Variants in GRID1 observed in about 807,000 individuals in gnomAD.
GRID1 encodes glutamate ionotropic receptor delta type subunit 1, also known as glutamate receptor ionotropic, delta-1.
GRID1 carries 28 observed loss-of-function variants against 98.0 expected under a neutral mutation model. The observed-to-expected ratio is 0.29, with a 90% confidence interval of 0.21 to 0.39. The LOEUF is 0.39. GRID1 is among the 10% of genes least tolerant of loss of function. The probability of loss-of-function intolerance (pLI) is 1.00; values close to 1 mark genes in which losing one functional copy is unlikely to be tolerated. For missense variants in GRID1, 1,111 were observed against 1,340.5 expected (o/e 0.83, Z 2.67); for synonymous variants, 553 against 538.5 (o/e 1.03, Z -0.37).
chr10:85,983,422 C>G (rs531826864), intron 4 of GRID1, among the ~76,000 whole-genome samples: 1 of 152,352 alleles, frequency 6.6e-6, no homozygotes, highest in East Asian at 1.9e-4. Flanking sequence ...AGGCTCCACC[C>G]GGCCCTGTGG....
chr10:85,802,050 A>C (rs1195826540), intron 8 of GRID1, among the ~76,000 whole-genome samples: 1 of 152,082 alleles, frequency 6.6e-6, no homozygotes, highest in African/African-American at 2.4e-5. Context: ...AAAAATGTGC[A>C]ACATCTGTAA....
chr10:85,654,349 T>C (rs1166554369), intron 12 of GRID1, among the ~76,000 whole-genome samples: 3 of 152,184 alleles, frequency 2.0e-5, no homozygotes, highest in Non-Finnish European at 4.4e-5. Flanking sequence ...TAAATGTAAA[T>C]AAATATAAAA....
rs140636943 is a variant in GRID1, at chr10:85,977,044, T to A, written c.727-60805A>T. Among the ~76,000 whole-genome samples, 131 of 152,266 alleles carry A rather than the reference T, an allele frequency of 8.6e-4. 1 individual carries two copies. In the East Asian group the frequency reaches 0.024, roughly 28 times the overall value. ...ACAAGGCCCAGCTTCACGGGAGAGG[T>A]GAAGCCCATGAAACCTGTGTAGGAG... On this transcript the variant is annotated intron_variant, in intron 4 of 15. Coordinates refer to ENST00000327946, the MANE Select transcript of GRID1 (RefSeq NM_017551.3).
chr10:85,794,660 T>C (rs1842509996), intron 8 of GRID1, among the ~76,000 whole-genome samples: 1 of 152,242 alleles, frequency 6.6e-6, no homozygotes, highest in African/African-American at 2.4e-5. Context: ...GTAATGGCAA[T>C]GGCAAATTCA....
chr10:85,695,035 G>T (rs1481906740), intron 12 of GRID1, among the ~76,000 whole-genome samples: 1 of 152,064 alleles, frequency 6.6e-6, no homozygotes, highest in East Asian at 1.9e-4. Context: ...CTACTTTCCA[G>T]TCAATTTTTC....
At chr10:85,788,651 T>G (rs982793171) in intron 8 of GRID1, among the ~76,000 whole-genome samples, 2 of 152,252 alleles carry the variant, frequency 1.3e-5, no homozygotes, top group Non-Finnish European at 2.9e-5. Context: ...TCTGGGTCAC[T>G]GATTTATTCT....
chr10:85,708,419 A>G (rs1792224441), intron 12 of GRID1, among the ~76,000 whole-genome samples: 1 of 151,710 alleles, frequency 6.6e-6, no homozygotes, highest in African/African-American at 2.4e-5. Flanking sequence ...AAAAAAAAAT[A>G]CAAGATTAAT....
intron 3 of GRID1, among the ~76,000 whole-genome samples, chr10:86,162,538 T>C (rs1024801688): frequency 2.6e-5 from 4 of 152,182 alleles, no homozygotes; most frequent in Non-Finnish European, 4.4e-5. Context: ...ATAAGGCACA[T>C]AGTAGCTCAG....
intron 4 of GRID1, among the ~76,000 whole-genome samples, chr10:86,101,633 CTT>C (rs10596537): frequency 0.013 from 1,756 of 136,594 alleles, 44 homozygotes; most frequent in African/African-American, 0.043. Flanking sequence ...TTCATTATTC[CTT>C]TTTTTTTTTT....
At chr10:85,963,631 G>A (rs992915750) in intron 4 of GRID1, among the ~76,000 whole-genome samples, 2 of 152,158 alleles carry the variant, frequency 1.3e-5, no homozygotes, top group Admixed American at 6.5e-5. Flanking sequence ...GTTATTTCAT[G>A]TCCATATGTA....
Position 85,991,587 on chromosome 10 carries a change from C to T in GRID1, c.727-75348G>A, listed in dbSNP as rs74596420. Among the ~76,000 whole-genome samples, 1,320 of 152,112 alleles carry T rather than the reference C, an allele frequency of 8.7e-3. 23 individuals carry two copies. The highest frequency in any genetic ancestry group is 0.03 in the African/African-American group (1,234 of 41,496). ...GAGCCTGCGAAGGAAACTGCCAAGTCAGGAGGGCTCTGGGCTGATGCTGAT... is the reference window on the plus strand; with the variant it reads ...GAGCCTGCGAAGGAAACTGCCAAGTTAGGAGGGCTCTGGGCTGATGCTGAT... On this transcript the variant is annotated intron_variant, in intron 4 of 15. Coordinates refer to ENST00000327946, the MANE Select transcript of GRID1 (RefSeq NM_017551.3).
intron 2 of GRID1, among the ~76,000 whole-genome samples, chr10:86,225,485 T>C (rs943722083): frequency 2.0e-5 from 3 of 152,206 alleles, no homozygotes; most frequent in African/African-American, 7.2e-5. Flanking sequence ...TGCACTCTTC[T>C]CAAAGCGTGT....
chr10:86,359,421 G>A (rs1452970032), intron 2 of GRID1, among the ~76,000 whole-genome samples: 3 of 152,152 alleles, frequency 2.0e-5, no homozygotes, highest in Non-Finnish European at 4.4e-5. Context: ...CCACCTAGGA[G>A]GTAACGGATA....
chr10:85,716,107 A>G (rs1841636066), intron 12 of GRID1, among the ~76,000 whole-genome samples: 1 of 152,074 alleles, frequency 6.6e-6, no homozygotes, highest in African/African-American at 2.4e-5. Context: ...GGGTTTCACC[A>G]TGTTTGCCAG....
At chr10:86,264,908 C>A in intron 2 of GRID1, 1 of 382,022 alleles carries the variant, frequency 2.6e-6, no homozygotes, top group Non-Finnish European at 5.3e-6. Flanking sequence ...AGGAGAAGGG[C>A]TACTCCCCGG....
rs112037911 is a variant in GRID1 at position 86,126,275 on chromosome 10, G to A, written c.726+12544C>T. Among the ~76,000 whole-genome samples, 517 of 152,144 alleles carry A rather than the reference G, an allele frequency of 3.4e-3. 2 individuals are homozygous for A. Among genetic ancestry groups the A allele is most frequent in the African/African-American group, 0.011 (470 of 41,514 alleles). On this transcript the variant is annotated intron_variant, in intron 4 of 15. Coordinates refer to ENST00000327946, the MANE Select transcript of GRID1 (RefSeq NM_017551.3). The stretch of plus-strand genomic sequence containing the variant: ...TCAAGATCAGCCTGGCCAAGATAGC[G>A]AAACCCCGTCTCTACTAAAAATACA...
intron 12 of GRID1, among the ~76,000 whole-genome samples, chr10:85,679,148 A>C (rs1279662989): frequency 6.6e-6 from 1 of 152,154 alleles, no homozygotes; most frequent in Non-Finnish European, 1.5e-5. Flanking sequence ...AGAGTTTCAG[A>C]AGCCTCCAGG....
At chr10:86,150,854 G>A (rs1342117066) in intron 3 of GRID1, among the ~76,000 whole-genome samples, 1 of 152,072 alleles carries the variant, frequency 6.6e-6, no homozygotes, top group Non-Finnish European at 1.5e-5. Flanking sequence ...CTGCAAACCA[G>A]GAAAAGTGCC....
chr10:86,013,023 A>C (rs899042346), intron 4 of GRID1, among the ~76,000 whole-genome samples: 2 of 152,130 alleles, frequency 1.3e-5, no homozygotes, highest in Admixed American at 1.3e-4. Flanking sequence ...TAATTCCTGG[A>C]CATCTGGATC....
Sources: allele counts gnomAD v4.1 joint callset (sites outside exome capture counted in the v4.1 genomes callset), GRCh38; gene constraint gnomAD v4.1.1; transcripts MANE v1.5; gene names NCBI Gene and HGNC (gene_info 2026-07-23, HGNC 2026-07-21).